The following CFAP221 variants were observed in gnomAD, a reference collection of about 807,000 sequenced individuals.
CFAP221 encodes the protein cilia and flagella associated protein 221.
Under a neutral mutation model 113.1 loss-of-function variants are expected in CFAP221, and 97 were observed. The ratio of observed to expected loss-of-function variants is 0.86; its 90% CI spans 0.73 to 1.02. CFAP221 has a LOEUF of 1.02. CFAP221 is among the 50% of genes least tolerant of loss of function. The pLI is 0.00. For synonymous variants in CFAP221, 331 were observed against 354.4 expected, an observed-to-expected ratio of 0.93 and a Z score of 0.74; for missense variants, 1,025 against 1,013.4, an observed-to-expected ratio of 1.01 and a Z score of -0.16.
intron 7 of CFAP221, among the ~76,000 whole-genome samples, chr2:119,592,062 C>T (rs765879194): frequency 1.3e-5 from 2 of 151,518 alleles, no homozygotes; most frequent in African/African-American, 2.4e-5. Flanking sequence ...AAAACATTAC[C>T]GAGAATCTCA....
intron 23 of CFAP221, among the ~76,000 whole-genome samples, chr2:119,652,302 T>C (rs1688177924): frequency 6.6e-6 from 1 of 152,240 alleles, no homozygotes; most frequent in African/African-American, 2.4e-5. Flanking sequence ...CATGTGCTTA[T>C]CAATCAATTT....
chr2:119,657,170 T>C (rs558688734), downstream of CFAP221, among the ~76,000 whole-genome samples: 58 of 152,336 alleles, frequency 3.8e-4, no homozygotes, highest in African/African-American at 1.4e-3. Flanking sequence ...GGTTGTGTTA[T>C]AATAACCCAA....
chr2:119,570,517 C>T (rs1011143213), intron 6 of CFAP221, among the ~76,000 whole-genome samples: 2 of 152,188 alleles, frequency 1.3e-5, no homozygotes, highest in African/African-American at 4.8e-5. Flanking sequence ...ATACCAACAC[C>T]TATATCCCAC....
chr2:119,651,492 C>A (rs1281340076), intron 22 of CFAP221, among the ~76,000 whole-genome samples: 5 of 8,220 alleles, frequency 6.1e-4, no homozygotes, highest in African/African-American at 9.6e-4. Context: ...ACAAAAAGAT[C>A]GAAAAAAAAA....
intron 19 of CFAP221, among the ~76,000 whole-genome samples, chr2:119,637,966 T>G (rs1021131851): frequency 1.3e-5 from 2 of 152,244 alleles, no homozygotes; most frequent in African/African-American, 4.8e-5. Context: ...TCAAAGCTGT[T>G]TTAAGCTGTG....
chr2:119,612,514 C>T (rs1574132690), intron 13 of CFAP221, among the ~76,000 whole-genome samples: 1 of 152,208 alleles, frequency 6.6e-6, no homozygotes, highest in African/African-American at 2.4e-5. Flanking sequence ...ATGGGGGAAA[C>T]TGCCCCCATG....
chr2:119,568,311 T>C (rs563546415), intron 6 of CFAP221, among the ~76,000 whole-genome samples: 5 of 152,104 alleles, frequency 3.3e-5, no homozygotes, highest in Non-Finnish European at 7.3e-5. Flanking sequence ...CCTTCTTCAG[T>C]GTTCTTCCTT....
intron 23 of CFAP221, among the ~76,000 whole-genome samples, chr2:119,654,574 G>T (rs1470434428): frequency 1.3e-5 from 2 of 152,042 alleles, no homozygotes; most frequent in South Asian, 2.1e-4. Context: ...ATCATTAAAC[G>T]AAATAGAATT....
chr2:119,630,527 G>C, intron 17 of CFAP221, 43 bp from the exon 18 acceptor site: 1 of 1,465,558 alleles, frequency 6.8e-7, no homozygotes, highest in African/African-American at 1.4e-5. Flanking sequence ...CCCACCAAAT[G>C]GTAACAGGTT....
chr2:119,602,025 TACATGTCAGTACCTCTGGTTA>T (rs1381970701), intron 8 of CFAP221, among the ~76,000 whole-genome samples: 14 of 152,212 alleles, frequency 9.2e-5, no homozygotes, highest in Admixed American at 9.2e-4. Flanking sequence ...CTTGTACTTT[TACATGTCAGTACCTCTGGTTA>T]ACATCATGAT....
chr2:119,641,564 G>A (rs1180006104), intron 21 of CFAP221, among the ~76,000 whole-genome samples: 1 of 152,164 alleles, frequency 6.6e-6, no homozygotes, highest in African/African-American at 2.4e-5. Context: ...GAAGCCCTTC[G>A]AGCAATAATC....
chr2:119,602,600 C>T, intron 8 of CFAP221: 10 of 984,008 alleles, frequency 1.0e-5, no homozygotes, highest in Non-Finnish European at 1.2e-5. Flanking sequence ...CATGATTTTT[C>T]TTCCTAAAAA....
intron 6 of CFAP221, among the ~76,000 whole-genome samples, chr2:119,565,721 A>C (rs1351123366): frequency 6.6e-6 from 1 of 152,252 alleles, no homozygotes; most frequent in African/African-American, 2.4e-5. Context: ...GGCAGCAGGC[A>C]TAGCCTTCCA....
At chr2:119,551,733 G>A (rs1018811579) in intron 3 of CFAP221, among the ~76,000 whole-genome samples, 1 of 152,116 alleles carries the variant, frequency 6.6e-6, no homozygotes, top group Non-Finnish European at 1.5e-5. Flanking sequence ...GCTATTCTGG[G>A]TTCCTTGCAA....
intron 22 of CFAP221, among the ~76,000 whole-genome samples, chr2:119,647,708 A>G (rs370484342): frequency 6.6e-6 from 1 of 152,172 alleles, no homozygotes; most frequent in East Asian, 1.9e-4. Flanking sequence ...TTTTAAAAAT[A>G]TACTTAGCTA....
At chr2:119,599,133 G>A (rs1220234449) in intron 7 of CFAP221, among the ~76,000 whole-genome samples, 3 of 152,152 alleles carry the variant, frequency 2.0e-5, no homozygotes, top group East Asian at 3.9e-4. Flanking sequence ...GGTCACTAGT[G>A]GGTATCATTG....
intron 21 of CFAP221, among the ~76,000 whole-genome samples, 179 bp from the exon 22 acceptor site, chr2:119,646,779 G>A (rs1016932929): frequency 2.0e-5 from 3 of 152,180 alleles, no homozygotes; most frequent in Non-Finnish European, 4.4e-5. Context: ...TTTGCCTGGG[G>A]CCTATTGCAT....
At chr2:119,590,301 A>G (rs1461487152) in intron 7 of CFAP221, 3 of 152,312 alleles carry the variant, frequency 2.0e-5, no homozygotes, top group Middle Eastern at 6.8e-3. Flanking sequence ...TTACAACTTT[A>G]TATCAGTTTG....
chr2:119,632,151 A>G (rs917228948), intron 19 of CFAP221, among the ~76,000 whole-genome samples: 2 of 152,202 alleles, frequency 1.3e-5, no homozygotes, highest in African/African-American at 4.8e-5. Flanking sequence ...CTAATTCCCA[A>G]ATCATTCTGG....
Sources: allele counts gnomAD v4.1 joint callset (sites outside exome capture counted in the v4.1 genomes callset), GRCh38; gene constraint gnomAD v4.1.1; transcripts MANE v1.5; gene names NCBI Gene and HGNC (gene_info 2026-07-23, HGNC 2026-07-21).